Variants in PRR5L observed in about 807,000 individuals in gnomAD.
The protein encoded by PRR5L is proline-rich protein 5-like.
Under a neutral mutation model 36.4 loss-of-function variants are expected in PRR5L, and 21 were observed. That is an observed-to-expected ratio of 0.58 (90% CI 0.41 to 0.83). The LOEUF (loss-of-function observed/expected upper bound fraction) is 0.83, where lower values mean the gene tolerates loss of function less well. Among genes scored for constraint, PRR5L ranks in the 40% least tolerant of loss-of-function variants. The probability of loss-of-function intolerance (pLI) is 0.00; values close to 1 mark genes in which losing one functional copy is unlikely to be tolerated. For missense variants in PRR5L, 381 were observed against 473.3 expected (o/e 0.80, Z 1.81); for synonymous variants, 188 against 197.0 (o/e 0.95, Z 0.38).
rs867133951 is a variant in PRR5L at position 36,351,459 on chromosome 11, A to G, written c.-125-49538A>G. On this transcript the variant is annotated intron_variant, in intron 1 of 8. Coordinates refer to ENST00000530639, the MANE Select transcript of PRR5L (RefSeq NM_001160167.2). ...TATATACATATATATTTATATATTT[A>G]TATATTTATATATACATATATATTT... 3.1e-5 allele frequency among the ~76,000 whole-genome samples: 2 copies of G among 64,728 alleles called. 1 individual carries two copies. Among genetic ancestry groups the G allele is most frequent in the Non-Finnish European group, 5.2e-5 (2 of 38,450 alleles). The allele number at this position is 64,728 out of a possible 152,430, so 42.5% of individuals were successfully genotyped here. A position where few individuals can be genotyped will look rare whatever the true frequency, so the allele number is the denominator to read the frequency against.
chr11:36,404,419 C>T (rs1857867958), intron 3 of PRR5L, among the ~76,000 whole-genome samples: 2 of 151,972 alleles, frequency 1.3e-5, no homozygotes, highest in South Asian at 4.2e-4. Flanking sequence ...AGGTGCCCAC[C>T]ACCATGCCTG....
At chr11:36,402,661 C>T (rs1475553861) in intron 2 of PRR5L, among the ~76,000 whole-genome samples, 3 of 152,204 alleles carry the variant, frequency 2.0e-5, no homozygotes, top group Non-Finnish European at 4.4e-5. Flanking sequence ...AAGGAAAGGC[C>T]AGGGGCCTTA....
chr11:36,414,498 C>T (rs1183547026), intron 3 of PRR5L, among the ~76,000 whole-genome samples: 4 of 147,448 alleles, frequency 2.7e-5, no homozygotes, highest in Non-Finnish European at 4.5e-5. Flanking sequence ...TTTTTGGCTG[C>T]ATAAATGTCT....
chr11:36,434,939 A>G (rs1376935922), intron 5 of PRR5L, among the ~76,000 whole-genome samples: 1 of 152,130 alleles, frequency 6.6e-6, no homozygotes, highest in Non-Finnish European at 1.5e-5. Context: ...TTGTGTGCCA[A>G]TGAGCATCCT....
chr11:36,300,290 TG>T (rs1338408255), intron 1 of PRR5L, among the ~76,000 whole-genome samples: 2 of 151,970 alleles, frequency 1.3e-5, no homozygotes, highest in African/African-American at 4.8e-5. Flanking sequence ...TGGCAGAAGG[TG>T]AGGGGGGAGC....
At chr11:36,370,743 T>C (rs1857189092) in intron 1 of PRR5L, among the ~76,000 whole-genome samples, 1 of 151,882 alleles carries the variant, frequency 6.6e-6, no homozygotes, top group Non-Finnish European at 1.5e-5. Context: ...TAGCTGGGTG[T>C]GGTGGCAGGC....
intron 1 of PRR5L, among the ~76,000 whole-genome samples, chr11:36,354,698 A>G (rs1310216676): frequency 6.6e-6 from 1 of 152,276 alleles, no homozygotes; most frequent in Admixed American, 6.5e-5. Context: ...ATGATGATAC[A>G]TATTAAATAC....
chr11:36,389,031 T>C (rs762371001), intron 1 of PRR5L, among the ~76,000 whole-genome samples: 2 of 152,220 alleles, frequency 1.3e-5, no homozygotes, highest in Non-Finnish European at 2.9e-5. Flanking sequence ...CTGCATCACC[T>C]TCCAGTATAT....
At chr11:36,376,298 G>A (rs1857257665) in intron 1 of PRR5L, 1 of 1,129,678 alleles carries the variant, frequency 8.9e-7, no homozygotes, top group Non-Finnish European at 1.1e-6. Flanking sequence ...AAAAGTGGGA[G>A]GAGAAGGAGG....
chr11:36,458,482 T>C (rs763767911), intron 8 of PRR5L, among the ~76,000 whole-genome samples: 3 of 149,942 alleles, frequency 2.0e-5, no homozygotes, highest in Non-Finnish European at 2.9e-5. Flanking sequence ...AAAATTGTTA[T>C]TGTCACCACC....
intron 1 of PRR5L, among the ~76,000 whole-genome samples, chr11:36,354,558 C>A (rs1315594354): frequency 6.6e-6 from 1 of 152,110 alleles, no homozygotes; most frequent in Non-Finnish European, 1.5e-5. Context: ...AAGTAGAGGT[C>A]ATTTTTTAAA....
rs559243 is a variant in PRR5L at position 36,389,542 on chromosome 11, T to C, written c.-125-11455T>C. ...CGCAGGTCATCCAGCTAATAAGCTGTAGAGGCTGGATTTGAAGCCAAGTTA... is the reference window on the plus strand; with the variant it reads ...CGCAGGTCATCCAGCTAATAAGCTGCAGAGGCTGGATTTGAAGCCAAGTTA... On this transcript the variant is annotated intron_variant, in intron 1 of 8. Coordinates refer to ENST00000530639, the MANE Select transcript of PRR5L (RefSeq NM_001160167.2). Among the ~76,000 whole-genome samples, 603 of 151,536 alleles carry C rather than the reference T, an allele frequency of 4.0e-3. 4 individuals carry two copies. Among genetic ancestry groups the C allele is most frequent in the African/African-American group, 0.013 (537 of 41,272 alleles).
chr11:36,328,408 A>G (rs1379259407), intron 1 of PRR5L, among the ~76,000 whole-genome samples: 1 of 152,154 alleles, frequency 6.6e-6, no homozygotes, highest in Non-Finnish European at 1.5e-5. Flanking sequence ...TTCTTGTGAT[A>G]GAGTTCCCAC....
intron 1 of PRR5L, among the ~76,000 whole-genome samples, chr11:36,374,097 CCTTCCTTCCTCT>C (rs879302249): frequency 0.014 from 1,413 of 103,008 alleles, 25 homozygotes; most frequent in Admixed American, 0.038. Context: ...TTCCTTCCTT[CCTTCCTTCCTCT>C]CTCTCTCTCT....
Position 36,311,256 on chromosome 11 carries a change from T to C in PRR5L, c.-126+14818T>C, listed in dbSNP as rs1856499399. On this transcript the variant is annotated intron_variant, in intron 1 of 8. Transcript: ENST00000530639. The stretch of plus-strand genomic sequence containing the variant: ...GGCATAGCAGTTTTTAGTAAAAACC[T>C]TAAAGAGGTAGAAGAAGAAATATCA... 2.0e-5 allele frequency among the ~76,000 whole-genome samples: 3 copies of C among 152,312 alleles called. No individual in the cohort carries two copies. In the South Asian group the frequency reaches 6.2e-4, roughly 32 times the overall value.
chr11:36,312,386 C>T (rs912870705), intron 1 of PRR5L, among the ~76,000 whole-genome samples: 1 of 152,206 alleles, frequency 6.6e-6, no homozygotes, highest in Non-Finnish European at 1.5e-5. Flanking sequence ...AGGTAAAGAT[C>T]ACCATCTCCA....
chr11:36,449,926 G>GTTT (rs776833853), intron 7 of PRR5L, among the ~76,000 whole-genome samples: 1 of 152,108 alleles, frequency 6.6e-6, no homozygotes, highest in Admixed American at 6.5e-5. Context: ...GTCCCTCCCT[G>GTTT]TTTAGCAGGT....
chr11:36,382,112 C>T (rs967918184), intron 1 of PRR5L, among the ~76,000 whole-genome samples: 29 of 152,254 alleles, frequency 1.9e-4, no homozygotes, highest in African/African-American at 6.0e-4. Context: ...GAGCGGAGAT[C>T]GCGCCACTTC....
chr11:36,435,080 A>G (rs957333685), intron 5 of PRR5L, among the ~76,000 whole-genome samples: 4 of 152,118 alleles, frequency 2.6e-5, no homozygotes, highest in Non-Finnish European at 5.9e-5. Flanking sequence ...AGGGACATCA[A>G]CAAAGAAGCT....
Sources: allele counts gnomAD v4.1 joint callset (sites outside exome capture counted in the v4.1 genomes callset), GRCh38; gene constraint gnomAD v4.1.1; transcripts MANE v1.5; gene names NCBI Gene and HGNC (gene_info 2026-07-23, HGNC 2026-07-21).